Variants in NKAIN3 observed in about 807,000 individuals in gnomAD.
NKAIN3 encodes sodium/potassium transporting ATPase interacting 3.
A neutral mutation model predicts 30.2 loss-of-function variants in NKAIN3; 25 were observed. The observed-to-expected ratio is 0.83, with a 90% CI of 0.60 to 1.16. NKAIN3 has a LOEUF of 1.16. NKAIN3 is among the 50% of genes most tolerant of loss of function. The pLI is 0.00. For synonymous variants in NKAIN3, 91 were observed against 89.6 expected, an observed-to-expected ratio of 1.02 and a Z score of -0.09; for missense variants, 225 against 254.1, an observed-to-expected ratio of 0.89 and a Z score of 0.78.
chr8:62,290,752 G>A lies in NKAIN3; in HGVS notation c.54+41625G>A, dbSNP rs78046416. The stretch of plus-strand genomic sequence containing the variant: ...TTGGTATCAGGATGATATTGGCCTC[G>A]TAAAATGAATTAGGGATGATTCTGC... On this transcript the variant is annotated intron_variant, in intron 1 of 6. Coordinates refer to ENST00000623646, the MANE Select transcript of NKAIN3 (RefSeq NM_001304533.3). Among the ~76,000 whole-genome samples the A allele has an allele frequency of 3.9e-5, 6 of 152,056 alleles. No individual in the cohort carries two copies. In the South Asian group the frequency reaches 6.2e-4, roughly 16 times the overall value.
chr8:62,603,547 C>A (rs1414630092), intron 3 of NKAIN3, among the ~76,000 whole-genome samples: 2 of 152,020 alleles, frequency 1.3e-5, no homozygotes, highest in Non-Finnish European at 2.9e-5. Context: ...GGAAAAAAAA[C>A]ACAGATAATA....
intron 4 of NKAIN3, among the ~76,000 whole-genome samples, chr8:62,799,388 A>G (rs1233086989): frequency 1.3e-5 from 2 of 152,250 alleles, no homozygotes; most frequent in Non-Finnish European, 2.9e-5. Flanking sequence ...GGCTAAGGGC[A>G]TGAATAGATC....
intron 3 of NKAIN3, among the ~76,000 whole-genome samples, chr8:62,615,090 C>T (rs532165052): frequency 2.6e-5 from 4 of 152,246 alleles, no homozygotes; most frequent in South Asian, 4.1e-4. Flanking sequence ...ATAGCCACCA[C>T]AGCTGGTAGT....
chr8:62,809,975 T>C (rs1818437492), intron 4 of NKAIN3, among the ~76,000 whole-genome samples: 1 of 152,160 alleles, frequency 6.6e-6, no homozygotes, highest in Non-Finnish European at 1.5e-5. Context: ...TCAGAGGCAC[T>C]GGTCACTCTC....
At chr8:62,312,815 C>A (rs1814489272) in intron 1 of NKAIN3, among the ~76,000 whole-genome samples, 1 of 117,896 alleles carries the variant, frequency 8.5e-6, no homozygotes, top group Admixed American at 8.9e-5. Flanking sequence ...ACAGAGTGAA[C>A]CTTGTCTCAA....
rs1442426048 is a variant in NKAIN3 at position 62,332,745 on chromosome 8, A to G, written c.54+83618A>G. 2.6e-5 allele frequency among the ~76,000 whole-genome samples: 4 copies of G among 152,264 alleles called. No homozygotes were observed. In the East Asian group the frequency reaches 7.8e-4, roughly 30 times the overall value. On this transcript the variant is annotated intron_variant, in intron 1 of 6. Coordinates refer to ENST00000623646, the MANE Select transcript of NKAIN3 (RefSeq NM_001304533.3). Reference sequence around the variant, plus strand: ...ATTTGTTTCTAAGAAGTTTTCGACCAGGCACTGTGGCTCACACTTACAGTC... The same window carrying G: ...ATTTGTTTCTAAGAAGTTTTCGACCGGGCACTGTGGCTCACACTTACAGTC...
chr8:62,806,833 A>G (rs1157156599), intron 4 of NKAIN3, among the ~76,000 whole-genome samples: 2 of 151,626 alleles, frequency 1.3e-5, no homozygotes, highest in African/African-American at 4.8e-5. Flanking sequence ...AATATAAAAA[A>G]ATAAAATAAA....
intron 3 of NKAIN3, among the ~76,000 whole-genome samples, chr8:62,659,296 G>A (rs769944114): frequency 9.9e-5 from 15 of 152,202 alleles, no homozygotes; most frequent in South Asian, 2.1e-4. Context: ...AAGAGCCTCC[G>A]GCTCTAGCAA....
chr8:62,870,208 G>GTA (rs1386718344), intron 4 of NKAIN3, among the ~76,000 whole-genome samples: 2,490 of 30,066 alleles, frequency 0.083, 69 homozygotes, highest in Non-Finnish European at 0.14. Context: ...ACTCTATTTT[G>GTA]TATATATATA....
intron 1 of NKAIN3, among the ~76,000 whole-genome samples, chr8:62,297,898 C>G (rs532532478): frequency 3.9e-5 from 6 of 152,092 alleles, no homozygotes; most frequent in Non-Finnish European, 7.3e-5. Flanking sequence ...GCTCTATTCA[C>G]AATAGCAAAG....
chr8:62,293,672 T>C (rs1046595116), intron 1 of NKAIN3, among the ~76,000 whole-genome samples: 3 of 152,198 alleles, frequency 2.0e-5, no homozygotes, highest in African/African-American at 4.8e-5. Flanking sequence ...CCAGTTAGGC[T>C]ACTCGGGGGT....
chr8:62,870,565 T>A (rs1198617662), intron 4 of NKAIN3, among the ~76,000 whole-genome samples: 5 of 136,172 alleles, frequency 3.7e-5, no homozygotes, highest in Non-Finnish European at 6.1e-5. Context: ...ATATATACTA[T>A]ATATACACCA....
chr8:62,850,066 C>A (rs1292859596), intron 4 of NKAIN3, among the ~76,000 whole-genome samples: 1 of 152,110 alleles, frequency 6.6e-6, no homozygotes, highest in African/African-American at 2.4e-5. Flanking sequence ...TTTACAGTCT[C>A]ACCAACAGAG....
At chr8:62,949,842 G>C (rs547779137) in intron 5 of NKAIN3, among the ~76,000 whole-genome samples, 1 of 152,058 alleles carries the variant, frequency 6.6e-6, no homozygotes, top group South Asian at 2.1e-4. Flanking sequence ...TCCTTCAGTT[G>C]CTCCATCTCT....
intron 4 of NKAIN3, among the ~76,000 whole-genome samples, chr8:62,883,405 T>A (rs4469451): frequency 6.7e-6 from 1 of 148,410 alleles, no homozygotes; most frequent in African/African-American, 2.5e-5. Flanking sequence ...GTATGTTAAC[T>A]GCTTATCTGC....
At chr8:62,771,684 T>A (rs1817016330) in intron 4 of NKAIN3, among the ~76,000 whole-genome samples, 1 of 152,058 alleles carries the variant, frequency 6.6e-6, no homozygotes, top group South Asian at 2.1e-4. Context: ...TTGACAAACC[T>A]CAGGTAGGAT....
chr8:62,804,688 A>G (rs1432561122), intron 4 of NKAIN3, among the ~76,000 whole-genome samples: 2 of 152,218 alleles, frequency 1.3e-5, no homozygotes, highest in Non-Finnish European at 2.9e-5. Flanking sequence ...ACCCACAGCC[A>G]ATATCATACT....
At chr8:62,738,601 CA>C (rs3032912) in intron 3 of NKAIN3, among the ~76,000 whole-genome samples, 10,253 of 124,890 alleles carry the variant, frequency 0.082, 769 homozygotes, top group African/African-American at 0.23. Flanking sequence ...ACTCCATCTC[CA>C]AAAAAAAAAA....
intron 5 of NKAIN3, among the ~76,000 whole-genome samples, chr8:62,927,720 G>C (rs1822492231): frequency 6.6e-6 from 1 of 152,058 alleles, no homozygotes; most frequent in Non-Finnish European, 1.5e-5. Flanking sequence ...GCTGCTTTTG[G>C]AGTGATGAGC....
Sources: gnomAD v4.1 joint callset for allele counts (sites outside exome capture counted in the v4.1 genomes callset) on GRCh38, gnomAD v4.1.1 for gene constraint, MANE v1.5 for transcripts, NCBI Gene and HGNC (gene_info 2026-07-23, HGNC 2026-07-21) for gene names.